The following MID1 variants were observed in gnomAD, a reference collection of about 807,000 sequenced individuals.
MID1 encodes the protein E3 ubiquitin-protein ligase Midline-1.
MID1 carries 7 observed loss-of-function variants against 40.4 expected under a neutral mutation model. The ratio of observed to expected loss-of-function variants is 0.17; its 90% confidence interval spans 0.10 to 0.33. The LOEUF is 0.33. Ranked by LOEUF, MID1 falls within the 10% of genes least tolerant of loss-of-function variation. The pLI, the probability that MID1 is intolerant of heterozygous loss-of-function variation, is 1.00. For synonymous variants in MID1, 229 were observed against 221.2 expected (o/e 1.04, Z -0.31); for missense variants, 367 against 558.5 (o/e 0.66, Z 3.46).
chrX:10,604,982 T>G (rs1233070858), intron 1 of MID1, among the ~76,000 whole-genome samples: 2 of 112,420 alleles, frequency 1.8e-5, no homozygotes, highest in Non-Finnish European at 3.8e-5. Context: ...CTTGCTAATC[T>G]GCCTGTCGGC....
At chrX:10,509,405 AT>A (rs917452702) in intron 3 of MID1, among the ~76,000 whole-genome samples, 7 of 111,757 alleles carry the variant, frequency 6.3e-5, no homozygotes, top group South Asian at 7.6e-4. Flanking sequence ...CTATCTAACT[AT>A]TTTTTTCTTT....
At chrX:10,534,541 T>C (rs1179616566) in intron 2 of MID1, among the ~76,000 whole-genome samples, 1 of 112,048 alleles carries the variant, frequency 8.9e-6, no homozygotes, top group Non-Finnish European at 1.9e-5. Flanking sequence ...TCTATAGGAA[T>C]TTATCTTCTG....
intron 2 of MID1, among the ~76,000 whole-genome samples, chrX:10,547,866 G>C (rs1933759839): frequency 9.0e-6 from 1 of 110,787 alleles, no homozygotes; most frequent in Non-Finnish European, 1.9e-5. Flanking sequence ...CTGAGGCAGA[G>C]AGAAAATTCA....
chrX:10,596,060 G>A (rs1186620805), intron 1 of MID1, among the ~76,000 whole-genome samples: 2 of 111,746 alleles, frequency 1.8e-5, no homozygotes, highest in African/African-American at 3.3e-5. Flanking sequence ...TGAATAAAAC[G>A]TGGACGCTGT....
chrX:10,461,752 C>T (rs1015802495), intron 7 of MID1, among the ~76,000 whole-genome samples: 3 of 112,008 alleles, frequency 2.7e-5, no homozygotes, highest in Non-Finnish European at 3.8e-5. Flanking sequence ...CAGTCAGCCA[C>T]GAATGAGAAC....
chrX:10,818,058 G>A (rs940108807), intron 1 of MID1, among the ~76,000 whole-genome samples: 8 of 112,137 alleles, frequency 7.1e-5, no homozygotes, highest in African/African-American at 2.3e-4. Flanking sequence ...TTGTTGATTA[G>A]GGTTTTTGCT....
chrX:10,700,713 C>T (rs1025034812), intron 1 of MID1, among the ~76,000 whole-genome samples: 2 of 111,979 alleles, frequency 1.8e-5, no homozygotes, highest in African/African-American at 6.5e-5. Context: ...AGGAAAAAAA[C>T]TAAATTTGCC....
At chrX:10,690,621 A>T (rs772919256) in intron 1 of MID1, among the ~76,000 whole-genome samples, 3 of 111,349 alleles carry the variant, frequency 2.7e-5, no homozygotes, top group Non-Finnish European at 5.6e-5. Flanking sequence ...CAAACCACTT[A>T]CTACATTTGA....
intron 1 of MID1, among the ~76,000 whole-genome samples, chrX:10,609,754 T>G (rs1483138358): frequency 4.5e-4 from 47 of 103,431 alleles, no homozygotes; most frequent in Non-Finnish European, 6.4e-4. Flanking sequence ...GTCTCGCACT[T>G]TGGCCCAGGC....
intron 1 of MID1, among the ~76,000 whole-genome samples, chrX:10,615,296 A>C (rs902752612): frequency 8.9e-6 from 1 of 112,345 alleles, no homozygotes; most frequent in Non-Finnish European, 1.9e-5. Flanking sequence ...GCCTTACCAA[A>C]GTCATATTTG....
intron 1 of MID1, among the ~76,000 whole-genome samples, chrX:10,735,716 G>A (rs2043483197): frequency 1.8e-5 from 2 of 110,860 alleles, no homozygotes; most frequent in Non-Finnish European, 3.8e-5. Context: ...TTGAGACAGG[G>A]TCTTGCTCTG....
At chrX:10,574,007 C>G (rs377099963) in intron 1 of MID1, among the ~76,000 whole-genome samples, 1 of 111,778 alleles carries the variant, frequency 8.9e-6, no homozygotes, top group East Asian at 2.8e-4. Flanking sequence ...AGTTTCTACT[C>G]CTCCCTCTTT....
intron 1 of MID1, among the ~76,000 whole-genome samples, chrX:10,659,014 A>G (rs1048945674): frequency 8.9e-6 from 1 of 112,011 alleles, no homozygotes. Flanking sequence ...TTCATCACTC[A>G]GTATCTACTC....
At chrX:10,718,881 G>A (rs1156948352) in intron 1 of MID1, among the ~76,000 whole-genome samples, 1 of 111,820 alleles carries the variant, frequency 8.9e-6, no homozygotes, top group Non-Finnish European at 1.9e-5. Context: ...TGGGATGCAA[G>A]GCAGGTTCAA....
intron 1 of MID1, among the ~76,000 whole-genome samples, chrX:10,773,999 T>C (rs922500510): frequency 1.8e-5 from 2 of 112,317 alleles, no homozygotes; most frequent in Non-Finnish European, 3.8e-5. Flanking sequence ...AAGTTCTAAT[T>C]AAGCTAAACT....
intron 1 of MID1, among the ~76,000 whole-genome samples, chrX:10,746,103 G>A (rs2043555207): frequency 8.9e-6 from 1 of 112,019 alleles, no homozygotes; most frequent in East Asian, 2.8e-4. Context: ...TGTTCACTGG[G>A]TAGAGAAGAG....
At chrX:10,516,159 C>T (rs1339452228) in intron 3 of MID1, among the ~76,000 whole-genome samples, 2 of 100,750 alleles carry the variant, frequency 2.0e-5, no homozygotes, top group African/African-American at 3.7e-5. Context: ...CCTAGACAAA[C>T]ATTTCTTAGG....
chrX:10,493,530 G>C (rs903224360), intron 4 of MID1, among the ~76,000 whole-genome samples: 10 of 111,756 alleles, frequency 8.9e-5, no homozygotes, highest in African/African-American at 3.3e-4. Context: ...GTAAGAGTAA[G>C]GTGCAAAACC....
intron 1 of MID1, among the ~76,000 whole-genome samples, chrX:10,731,175 G>C (rs913184646): frequency 8.1e-5 from 9 of 110,931 alleles, no homozygotes; most frequent in Non-Finnish European, 1.7e-4. Context: ...AAAACAGAGG[G>C]GACACATGGA....
Sources: gnomAD v4.1 joint callset for allele counts (sites outside exome capture counted in the v4.1 genomes callset) on GRCh38, gnomAD v4.1.1 for gene constraint, MANE v1.5 for transcripts, NCBI Gene and HGNC (gene_info 2026-07-23, HGNC 2026-07-21) for gene names.